VCP: variants seen among roughly 807,000 people sequenced by gnomAD.
The protein encoded by VCP is transitional endoplasmic reticulum ATPase.
A neutral mutation model predicts 85.7 loss-of-function variants in VCP; 6 were observed. The ratio of observed to expected loss-of-function variants is 0.07; its 90% CI spans 0.04 to 0.14. The LOEUF (loss-of-function observed/expected upper bound fraction) is 0.14. VCP is among the 10% of genes least tolerant of loss of function. The pLI is 1.00. For synonymous variants in VCP, 384 were observed against 367.1 expected, an observed-to-expected ratio of 1.05 and a Z score of -0.53; for missense variants, 353 against 1,043.4, an observed-to-expected ratio of 0.34 and a Z score of 9.12.
At chr9:35,066,925 G>C in intron 3 of VCP, 108 bp from the exon 4 acceptor site, 1 of 1,557,954 alleles carries the variant, frequency 6.4e-7, no homozygotes, top group Non-Finnish European at 8.8e-7. Context: ...AAAAGAAAAG[G>C]CAGGATGGCT....
intron 4 of VCP, among the ~76,000 whole-genome samples, chr9:35,065,766 G>A (rs973899227): frequency 6.6e-6 from 1 of 152,118 alleles, no homozygotes; most frequent in African/African-American, 2.4e-5. Context: ...TTACTCTCCT[G>A]GAACAGAGAA....
intron 4 of VCP, 109 bp downstream of exon 4, chr9:35,066,566 A>G (rs1828836398): frequency 7.0e-7 from 1 of 1,418,530 alleles, no homozygotes. Context: ...AATACAGGGG[A>G]AAAGCATAAA....
At chr9:35,069,455 T>A (rs1488153927) in intron 1 of VCP, among the ~76,000 whole-genome samples, 1 of 114,712 alleles carries the variant, frequency 8.7e-6, no homozygotes, top group Admixed American at 8.2e-5. Context: ...TTTTTTTTTT[T>A]TTTTTTTTTT....
intron 1 of VCP, among the ~76,000 whole-genome samples, chr9:35,071,374 T>C (rs923551013): frequency 2.1e-5 from 3 of 142,088 alleles, no homozygotes; most frequent in African/African-American, 7.7e-5. Flanking sequence ...AGCCAAGTTT[T>C]ATCTAACGCT....
intron 1 of VCP, chr9:35,071,901 TGGGGCCTCGGGCTCGC>T (rs1474861032): frequency 1.5e-5 from 15 of 1,000,980 alleles, no homozygotes; most frequent in Non-Finnish European, 1.5e-5. Flanking sequence ...CGGGCCCGGC[TGGGGCCTCGGGCTCGC>T]GGGGCCTGCT....
chr9:35,067,979 G>A lies in VCP; in HGVS notation c.214C>T (p.Leu72Phe). 6.2e-7 allele frequency: 1 copy of A among 1,614,216 alleles called. No homozygotes were observed. ...TCATCAGAACAAGTATCATCAGAAA[G>A]GACGATGCAAACAGCTTCTCGTCTC... Reference protein sequence around the residue: ...KKRREAVCIVLSDDTCSDEKI... With the variant: ...KKRREAVCIVFSDDTCSDEKI... The change falls in exon 3 of 17, where the codon CTT becomes TTT. Residue 72 changes from leucine to phenylalanine, a missense_variant. Leu to Phe is a conservative substitution (Grantham distance 22). Coordinates refer to ENST00000358901, the MANE Select transcript of VCP (RefSeq NM_007126.5).
In VCP at chr9:35,056,370, C is replaced by G. The variant is rs953720855; in HGVS notation, c.*747G>C. 2 of 152,998 alleles carry G rather than the reference C, an allele frequency of 1.3e-5. No homozygotes were observed. The highest frequency in any genetic ancestry group is 4.8e-5 in the African/African-American group (2 of 41,408). The allele number at this position is 152,998 out of a possible 1,614,324, so 9.5% of individuals were successfully genotyped here. A position where few individuals can be genotyped will look rare whatever the true frequency, so the allele number is the denominator to read the frequency against. ...GGAGCTCTGTCAGGCTGCTCCCTTT[C>G]CACCAGTCCTATCCAGTGATACTGC... On this transcript the variant is annotated 3_prime_UTR_variant, in exon 17 of 17. Transcript: ENST00000358901.
chr9:35,071,765 C>T (rs1006062528), intron 1 of VCP: 1 of 989,688 alleles, frequency 1.0e-6, no homozygotes, highest in Non-Finnish European at 1.2e-6. Flanking sequence ...ACCTCCGGCC[C>T]CGCCGACCCG....
In VCP at chr9:35,059,772, G is replaced by C. The variant is rs1828684394; in HGVS notation, c.1725C>G (p.Phe575Leu). 6.2e-7 allele frequency: 1 copy of C among 1,613,978 alleles called. No individual in the cohort carries two copies. The highest frequency in any genetic ancestry group is 1.3e-5 in the African/African-American group (1 of 74,866). ...TGGCAATCGAATCCAGCTCATCAAA[G>C]AATAGCACACAGGGGGCAGCTTGGC... The part of the protein sequence containing the change: ...KARQAAPCVL[F>L]FDELDSIAKA... The change falls in exon 14 of 17, where the codon TTC becomes TTG. Residue 575 changes from phenylalanine (F) to leucine (L), a missense_variant. Physicochemically the swap from Phe to Leu is conservative, Grantham distance 22. This residue lies in a region of VCP where 30 missense variants were observed against 192.3 expected (regional missense o/e 0.16). Transcript: ENST00000358901. This position sits in a 1 kb window ranked among gnomAD's most constrained non-coding sequence, Gnocchi z 4.9.
chr9:35,064,306 G>C (rs200672216), intron 5 of VCP, 21 bp from the exon 6 acceptor site: 4 of 1,613,502 alleles, frequency 2.5e-6, no homozygotes, highest in Non-Finnish European at 2.5e-6. Context: ...AGGAGATAAA[G>C]AAAGGAGAAG....
chr9:35,072,339 G>A lies in VCP; in HGVS notation c.15C>T (p.Ala5=), dbSNP rs1253022077. ...GCGAACGGCGCGCGCACACTCACTC[G>A]GCTCCAGAAGCCATGGCGCGCGCCT... MASG[A]DSKGDDLSTA... The change falls in exon 1 of 17, where the codon GCC becomes GCT. Residue 5 remains alanine, a splice_region_variant and synonymous_variant. Transcript: ENST00000358901. The A allele has an allele frequency of 6.7e-7, 1 of 1,484,526 alleles. No homozygotes were observed. The highest frequency in any genetic ancestry group is 8.9e-7 in the Non-Finnish European group (1 of 1,125,190). 92.0% of individuals were successfully genotyped at this position (1,484,526 alleles called of 1,614,324 possible).
intron 9 of VCP, 106 bp downstream of exon 9, chr9:35,061,897 C>A: frequency 6.3e-7 from 1 of 1,592,988 alleles, no homozygotes; most frequent in Non-Finnish European, 8.6e-7. Context: ...AAAAAGACCC[C>A]TGGACCCAAT....
Position 35,061,193 on chromosome 9 carries a change from T to C in VCP, c.1195-14A>G, listed in dbSNP as rs1463699630. On this transcript the variant is annotated splice_polypyrimidine_tract_variant and intron_variant, in intron 10 of 16. Transcript: ENST00000358901. ...CTCATTGGCTACCTGCAGAGAAAGA[T>C]CTACTTACTATGCTGCCTCAAAGAC... 1 of 1,612,570 alleles carries C rather than the reference T, an allele frequency of 6.2e-7. No individual in the cohort carries two copies. Among genetic ancestry groups the C allele is most frequent in the African/African-American group, 1.3e-5 (1 of 74,998 alleles).
intron 1 of VCP, 53 bp downstream of exon 1, chr9:35,072,284 G>T: frequency 1.3e-6 from 2 of 1,485,392 alleles, no homozygotes; most frequent in South Asian, 1.3e-5. Flanking sequence ...TACCCTGCGC[G>T]GCTGGTCCCG....
intron 1 of VCP, 151 bp downstream of exon 1, chr9:35,072,177 TGCCGGGTCC>T: frequency 7.1e-7 from 1 of 1,416,462 alleles, no homozygotes. Flanking sequence ...CAGCCGGGCC[TGCCGGGTCC>T]ACGGCCCCTC....
intron 1 of VCP, among the ~76,000 whole-genome samples, chr9:35,070,005 A>G (rs1828908488): frequency 6.6e-6 from 1 of 152,236 alleles, no homozygotes; most frequent in Non-Finnish European, 1.5e-5. Context: ...GAGACAAAGA[A>G]AAATGCTGTG....
chr9:35,063,195 A>C, intron 6 of VCP, 115 bp from the exon 7 acceptor site: 1 of 885,890 alleles, frequency 1.1e-6, no homozygotes, highest in Non-Finnish European at 1.9e-6. Flanking sequence ...AATATTAAGA[A>C]TAAGCCCTCC....
At chr9:35,061,854 G>T in intron 9 of VCP, 149 bp downstream of exon 9, 1 of 1,487,512 alleles carries the variant, frequency 6.7e-7, no homozygotes, top group Non-Finnish European at 9.3e-7. Context: ...AACCAGGGTG[G>T]TTGGTCACTC....
Position 35,059,464 on chromosome 9 carries a change from T to C in VCP, c.2004+29A>G. The C allele has an allele frequency of 6.2e-7, 1 of 1,612,718 alleles. No homozygotes were observed. The highest frequency in any genetic ancestry group is 2.2e-5 in the East Asian group (1 of 44,874). The stretch of plus-strand genomic sequence containing the variant: ...GTACCAGCCTGAGGACTCATGCAAG[T>C]CTCCCACAGCCCATGATCTTGCACC... On this transcript the variant is annotated intron_variant, in intron 14 of 16. Coordinates refer to ENST00000358901, the MANE Select transcript of VCP (RefSeq NM_007126.5). This position sits in a 1 kb window ranked among gnomAD's most constrained non-coding sequence, Gnocchi z 4.9.
Sources: allele counts gnomAD v4.1 joint callset (sites outside exome capture counted in the v4.1 genomes callset), GRCh38; gene constraint gnomAD v4.1.1; regional missense constraint gnomAD v4.1.1; non-coding constraint Gnocchi (gnomAD v3.1); transcripts MANE v1.5; gene names NCBI Gene and HGNC (gene_info 2026-07-23, HGNC 2026-07-21).